ZNF496: variants seen among roughly 807,000 people sequenced by gnomAD.
The protein encoded by ZNF496 is NSD1 (nuclear receptor binding SET-domain containing 1)-interacting zinc finger protein 1.
A neutral mutation model predicts 58.9 loss-of-function variants in ZNF496; 11 were observed. The ratio of observed to expected loss-of-function variants is 0.19; its 90% CI spans 0.12 to 0.31. ZNF496 has a LOEUF of 0.31. Ranked by LOEUF, ZNF496 falls within the 10% of genes least tolerant of loss-of-function variation. The probability of loss-of-function intolerance (pLI) is 1.00; values close to 1 mark genes in which losing one functional copy is unlikely to be tolerated. For synonymous variants in ZNF496, 338 were observed against 318.2 expected, an observed-to-expected ratio of 1.06 and a Z score of -0.66; for missense variants, 660 against 783.0, an observed-to-expected ratio of 0.84 and a Z score of 1.88.
intron 6 of ZNF496, 159 bp from the exon 7 acceptor site, chr1:247,310,615 A>C: frequency 1.1e-6 from 1 of 939,422 alleles, no homozygotes; most frequent in Non-Finnish European, 1.6e-6. Context: ...GTCCAAGATC[A>C]AGGTGCCAGC....
chr1:247,309,991 G>A lies in ZNF496; in HGVS notation c.785-185C>T. 7.3e-7 allele frequency: 1 copy of A among 1,371,336 alleles called. No individual in the cohort carries two copies. Among genetic ancestry groups the A allele is most frequent in the Non-Finnish European group, 9.6e-7 (1 of 1,041,518 alleles). The allele number at this position is 1,371,336 out of a possible 1,614,324, so 84.9% of individuals were successfully genotyped here. On this transcript the variant is annotated intron_variant, in intron 7 of 9. Coordinates refer to ENST00000682384, the MANE Select transcript of ZNF496 (RefSeq NM_032752.3). The surrounding 1 kb of genome is among the most constrained non-coding windows in gnomAD (Gnocchi z 4.3). ...GGGCAGCACACGCAGGGAGAGCTAT[G>A]GGCTTGGGGGTCTCTCTGAGGCTTT...
intron 6 of ZNF496, chr1:247,310,804 A>G (rs1051409201): frequency 1.0e-5 from 2 of 199,296 alleles, no homozygotes; most frequent in African/African-American, 4.6e-5. Flanking sequence ...ACTTCCTAAT[A>G]CCATCATCTT....
At position 247,301,179 on chromosome 1, in the gene ZNF496, G is replaced by A. The variant is rs1294568114; in HGVS notation, c.1104C>T (p.Gly368=). The change falls in exon 10 of 10, where the codon GGC becomes GGT. Residue 368 remains glycine, a synonymous_variant. Transcript: ENST00000682384. ...SSSGDEDSQH[G]PYCTEELGSP... is the part of the protein sequence containing the mutation. ...TCCCCAGCTCTTCTGTGCAGTACGG[G>A]CCATGCTGGGAGTCCTCGTCCCCAG... The A allele has an allele frequency of 3.8e-6, 6 of 1,595,816 alleles. No individual in the cohort carries two copies. The highest frequency in any genetic ancestry group is 1.3e-5 in the African/African-American group (1 of 74,152).
intron 2 of ZNF496, among the ~76,000 whole-genome samples, 174 bp from the exon 3 acceptor site, chr1:247,330,255 A>C (rs1387176870): frequency 1.3e-5 from 2 of 152,200 alleles, no homozygotes; most frequent in Non-Finnish European, 2.9e-5. Context: ...ATCACATGAG[A>C]CAGCTACATG....
At position 247,300,365 on chromosome 1, in the gene ZNF496, A is replaced by C. The variant is rs185044571; in HGVS notation, c.*154T>G. The C allele has an allele frequency of 6.7e-5, 50 of 745,880 alleles. No homozygotes were observed. The African/African-American group carries it at 8.0e-4, about 12-fold the overall frequency. 46.2% of individuals were successfully genotyped at this position (745,880 alleles called of 1,614,324 possible). ...TACCTGGGGGAGGGAGAGTGCTCCC[A>C]TGGCACCACCCGAACGCTCACTACC... is the stretch of plus-strand genomic sequence containing the variant. On this transcript the variant is annotated 3_prime_UTR_variant, in exon 10 of 10. Coordinates refer to ENST00000682384, the MANE Select transcript of ZNF496 (RefSeq NM_032752.3). This position sits in a 1 kb window ranked among gnomAD's most constrained non-coding sequence, Gnocchi z 5.7.
chr1:247,323,705 T>C (rs538512010), intron 5 of ZNF496, among the ~76,000 whole-genome samples: 1 of 151,964 alleles, frequency 6.6e-6, no homozygotes, highest in East Asian at 1.9e-4. Flanking sequence ...GGAGAATCAC[T>C]TGAGCCCAGG....
Position 247,300,413 on chromosome 1 carries a change from G to A in ZNF496, c.*106C>T. 10 of 1,245,784 alleles carry A rather than the reference G, an allele frequency of 8.0e-6. No individual in the cohort carries two copies. The highest frequency in any genetic ancestry group is 1.1e-5 in the Non-Finnish European group (10 of 917,110). The allele number at this position is 1,245,784 out of a possible 1,614,324, so 77.2% of individuals were successfully genotyped here. A position where few individuals can be genotyped will look rare whatever the true frequency, so the allele number is the denominator to read the frequency against. ...ACCTGAGAGCAAGGACAGGAGGGAG[G>A]TGTGCTCTCTATCCTGGGGAAGGTA... On this transcript the variant is annotated 3_prime_UTR_variant, in exon 10 of 10. Transcript: ENST00000682384. This position sits in a 1 kb window ranked among gnomAD's most constrained non-coding sequence, Gnocchi z 5.7.
At chr1:247,310,048 G>C in intron 7 of ZNF496, 3 of 1,427,150 alleles carry the variant, frequency 2.1e-6, no homozygotes, top group Non-Finnish European at 2.7e-6. Context: ...GGGACAAAAC[G>C]GTAAGAACGA....
intron 9 of ZNF496, among the ~76,000 whole-genome samples, chr1:247,305,576 G>A (rs1659381916): frequency 6.6e-6 from 1 of 152,168 alleles, no homozygotes; most frequent in African/African-American, 2.4e-5. Flanking sequence ...AGGATGCTCT[G>A]GCCAGGAATG....
intron 4 of ZNF496, 132 bp from the exon 5 acceptor site, chr1:247,328,998 C>A: frequency 7.3e-7 from 1 of 1,375,670 alleles, no homozygotes; most frequent in East Asian, 2.3e-5. Context: ...TAAAGGGGCA[C>A]GACACTATCA....
At chr1:247,327,567 A>G (rs562641732) in intron 5 of ZNF496, among the ~76,000 whole-genome samples, 3 of 152,316 alleles carry the variant, frequency 2.0e-5, no homozygotes, top group Non-Finnish European at 4.4e-5. Flanking sequence ...AGCCAACAAC[A>G]CACCAAACTT....
chr1:247,327,339 C>T (rs915775609), intron 5 of ZNF496, among the ~76,000 whole-genome samples: 3 of 152,216 alleles, frequency 2.0e-5, no homozygotes, highest in African/African-American at 4.8e-5. Flanking sequence ...GCTGGGATTA[C>T]AGGCGTGAGC....
chr1:247,315,641 T>C (rs973001921), intron 6 of ZNF496, among the ~76,000 whole-genome samples: 2 of 150,926 alleles, frequency 1.3e-5, no homozygotes, highest in Non-Finnish European at 3.0e-5. Context: ...GGGGTGGGAG[T>C]GGGTAAGGAA....
rs1395817787 is a variant in ZNF496 at position 247,309,318 on chromosome 1, A to C, written c.892+381T>G. 5.2e-6 allele frequency: 5 copies of C among 967,322 alleles called. No homozygotes were observed. Among genetic ancestry groups the C allele is most frequent in the Non-Finnish European group, 6.3e-6 (5 of 791,932 alleles). The allele number at this position is 967,322 out of a possible 1,614,324, so 59.9% of individuals were successfully genotyped here. A position where few individuals can be genotyped will look rare whatever the true frequency, so the allele number is the denominator to read the frequency against. ...GAAGACTAGACAGGTGAGGCACCTC[A>C]AAGGGCTGCGCTCGGTGCCCAGTTA... On this transcript the variant is annotated intron_variant, in intron 8 of 9. Coordinates refer to ENST00000682384, the MANE Select transcript of ZNF496 (RefSeq NM_032752.3). This position sits in a 1 kb window ranked among gnomAD's most constrained non-coding sequence, Gnocchi z 4.3.
chr1:247,301,364 GTTTACAAACCCGTGTT>G, intron 9 of ZNF496, 88 bp from the exon 10 acceptor site: 1 of 1,456,274 alleles, frequency 6.9e-7, no homozygotes, highest in Non-Finnish European at 9.1e-7. Flanking sequence ...TCAGCTTGGA[GTTTACAAACCCGTGTT>G]TTTACAATGG....
At position 247,329,345 on chromosome 1, in the gene ZNF496, C is replaced by G; in HGVS notation, c.234G>C (p.Lys78Asn). 1 of 1,613,644 alleles carries G rather than the reference C, an allele frequency of 6.2e-7. No homozygotes were observed. The highest frequency in any genetic ancestry group is 8.5e-7 in the Non-Finnish European group (1 of 1,179,972). Residue 78 changes from lysine to asparagine, a missense_variant, in exon 4 of 10, where the codon AAG (lysine) becomes AAC (asparagine). Lys to Asn is a moderately conservative substitution (Grantham distance 94, BLOSUM62 0). Coordinates refer to ENST00000682384, the MANE Select transcript of ZNF496 (RefSeq NM_032752.3). This position sits in a 1 kb window ranked among gnomAD's most constrained non-coding sequence, Gnocchi z 5.5. ...GCACCAGCAGCTCCAGAATCTGCTC[C>G]TTGGTGTGCCTCTCAGGCCGCAGCC... Reference protein sequence around the residue: ...GGWLRPERHTKEQILELLVLE... With the variant: ...GGWLRPERHTNEQILELLVLE...
chr1:247,323,304 T>C, intron 5 of ZNF496, 74 bp from the exon 6 acceptor site: 1 of 1,091,552 alleles, frequency 9.2e-7, no homozygotes, highest in East Asian at 2.4e-5. Context: ...CTGAGCTTCC[T>C]GCGGCTCTTC....
intron 9 of ZNF496, among the ~76,000 whole-genome samples, chr1:247,303,461 G>A (rs1405106028): frequency 4.6e-5 from 7 of 152,224 alleles, no homozygotes; most frequent in Admixed American, 6.5e-5. Context: ...TTTAGAACTA[G>A]GTCATGGGGA....
intron 9 of ZNF496, among the ~76,000 whole-genome samples, chr1:247,303,309 G>C (rs1047901833): frequency 1.3e-5 from 2 of 152,182 alleles, no homozygotes; most frequent in Non-Finnish European, 2.9e-5. Flanking sequence ...GTTGCTTCTG[G>C]AATTGTAAGA....
Sources: gnomAD v4.1 joint callset for allele counts (sites outside exome capture counted in the v4.1 genomes callset) on GRCh38, gnomAD v4.1.1 for gene constraint, Gnocchi (gnomAD v3.1) non-coding constraint, MANE v1.5 for transcripts, NCBI Gene and HGNC (gene_info 2026-07-23, HGNC 2026-07-21) for gene names.